Variants in CTNNBL1 observed in about 807,000 individuals in gnomAD.
The protein encoded by CTNNBL1 is beta-catenin-like protein 1.
In CTNNBL1, 31 loss-of-function variants were observed where a neutral mutation model predicts 72.7. That is an observed-to-expected ratio of 0.43 (90% CI 0.32 to 0.58). CTNNBL1 has a LOEUF of 0.58. Ranked by LOEUF, CTNNBL1 falls within the 20% of genes least tolerant of loss-of-function variation. The pLI, the probability that CTNNBL1 is intolerant of heterozygous loss-of-function variation, is 0.08. For synonymous variants in CTNNBL1, 240 were observed against 267.3 expected, an observed-to-expected ratio of 0.90 and a Z score of 1.00; for missense variants, 534 against 725.1, an observed-to-expected ratio of 0.74 and a Z score of 3.03.
At chr20:37,860,424 G>GC in intron 15 of CTNNBL1, 80 bp downstream of exon 15, 1 of 1,146,974 alleles carries the variant, frequency 8.7e-7, no homozygotes, top group Non-Finnish European at 1.3e-6. Flanking sequence ...AGTATCCCTG[G>GC]TATTTGATGT....
At chr20:37,794,716 G>A (rs554827520) in intron 10 of CTNNBL1, among the ~76,000 whole-genome samples, 2 of 151,540 alleles carry the variant, frequency 1.3e-5, no homozygotes, top group African/African-American at 2.4e-5. Context: ...TGGCCAGGGC[G>A]GTCTTGAACT....
At chr20:37,849,472 A>G (rs908408515) in intron 13 of CTNNBL1, among the ~76,000 whole-genome samples, 3 of 152,124 alleles carry the variant, frequency 2.0e-5, no homozygotes, top group South Asian at 2.1e-4. Flanking sequence ...TGCTTTCTCA[A>G]ACCTTCTAGA....
At chr20:37,827,339 G>T (rs984895065) in intron 11 of CTNNBL1, among the ~76,000 whole-genome samples, 2 of 152,128 alleles carry the variant, frequency 1.3e-5, no homozygotes, top group Non-Finnish European at 2.9e-5. Flanking sequence ...TCTAGGAATG[G>T]AATTGCCAGG....
chr20:37,767,890 C>T lies in CTNNBL1; in HGVS notation c.659-63C>T, dbSNP rs531138915. 1.8e-5 allele frequency: 24 copies of T among 1,341,276 alleles called. No homozygotes were observed. In the African/African-American group the frequency reaches 3.0e-4, roughly 17 times the overall value. 83.1% of individuals were successfully genotyped at this position (1,341,276 alleles called of 1,614,324 possible). A position where few individuals can be genotyped will look rare whatever the true frequency, so the allele number is the denominator to read the frequency against. On this transcript the variant is annotated intron_variant, in intron 6 of 15. Transcript: ENST00000361383. ...GGAATAACATGCCTGTCATGGGAAG[C>T]AAGCTTGTTGCAGATGGAAACAAAG...
chr20:37,728,054 G>T (rs150342804), intron 1 of CTNNBL1, among the ~76,000 whole-genome samples: 23 of 152,242 alleles, frequency 1.5e-4, no homozygotes, highest in African/African-American at 5.3e-4. Flanking sequence ...ACTCAATGTT[G>T]CTGGAAAGGC....
Position 37,768,045 on chromosome 20 carries a change from G to A in CTNNBL1, c.750+1G>A. The A allele has an allele frequency of 1.2e-6, 2 of 1,613,678 alleles. No homozygotes were observed. Among genetic ancestry groups the A allele is most frequent in the Non-Finnish European group, 1.7e-6 (2 of 1,179,730 alleles). ...ACAGTGGCTGTTGAAGAGGCTGAAG[G>A]TGAGTTTGGCTGTGGGGAACTGCAG... On this transcript the variant is annotated splice_donor_variant, in intron 7 of 15. Transcript: ENST00000361383. LOFTEE classifies it high-confidence loss of function.
chr20:37,737,604 A>T (rs1282632484), intron 3 of CTNNBL1, 120 bp downstream of exon 3: 2 of 634,700 alleles, frequency 3.2e-6, no homozygotes, highest in East Asian at 5.7e-5. Flanking sequence ...GATGACCCCC[A>T]TGTTTGGGAA....
At chr20:37,721,395 G>A (rs756903815) in intron 1 of CTNNBL1, among the ~76,000 whole-genome samples, 8 of 152,148 alleles carry the variant, frequency 5.3e-5, no homozygotes, top group Non-Finnish European at 1.0e-4. Flanking sequence ...AGATCTTGTT[G>A]ACTTTAAGGT....
chr20:37,721,210 C>T lies in CTNNBL1; in HGVS notation c.31-11669C>T, dbSNP rs6020471. On this transcript the variant is annotated intron_variant, in intron 1 of 15. Transcript: ENST00000361383. ...AAGGCTTCCAGACCCTCTGCTATCC[C>T]GCTCATATATTCCCCTGTTGGTAGT... Among the ~76,000 whole-genome samples the T allele has an allele frequency of 1.7e-3, 263 of 152,290 alleles. 3 individuals are homozygous for T. The highest frequency in any genetic ancestry group is 6.1e-3 in the African/African-American group (252 of 41,552).
At chr20:37,841,049 A>G (rs1366025187) in intron 12 of CTNNBL1, among the ~76,000 whole-genome samples, 1 of 152,270 alleles carries the variant, frequency 6.6e-6, no homozygotes, top group Admixed American at 6.5e-5. Flanking sequence ...AAGAGCTACC[A>G]TTTATTGAGT....
chr20:37,800,732 G>C (rs1568786819), intron 10 of CTNNBL1, among the ~76,000 whole-genome samples: 1 of 152,060 alleles, frequency 6.6e-6, no homozygotes, highest in Non-Finnish European at 1.5e-5. Flanking sequence ...TTTACTCCTG[G>C]AATCACTTCT....
At chr20:37,779,142 A>C (rs1310815965) in intron 9 of CTNNBL1, 45 bp from the exon 10 acceptor site, 4 of 1,601,112 alleles carry the variant, frequency 2.5e-6, no homozygotes, top group Non-Finnish European at 3.4e-6. Context: ...TCATGAAAAG[A>C]CATTCTCTTA....
intron 3 of CTNNBL1, chr20:37,744,610 A>T (rs1359084948): frequency 6.6e-6 from 1 of 152,182 alleles, no homozygotes; most frequent in Non-Finnish European, 1.5e-5. Flanking sequence ...CACTGTGTTG[A>T]GAAGGATTCT....
chr20:37,851,104 C>T (rs2072392930), intron 13 of CTNNBL1, among the ~76,000 whole-genome samples: 1 of 152,190 alleles, frequency 6.6e-6, no homozygotes, highest in Non-Finnish European at 1.5e-5. Flanking sequence ...ACACACAACC[C>T]TGCGGAAATG....
chr20:37,802,768 T>A (rs1020234757), intron 10 of CTNNBL1, 99 bp from the exon 11 acceptor site: 5 of 909,688 alleles, frequency 5.5e-6, no homozygotes, highest in African/African-American at 5.0e-5. Context: ...ATATTTCCAT[T>A]TAGATGTATA....
At chr20:37,717,701 CA>C (rs1344709917) in intron 1 of CTNNBL1, among the ~76,000 whole-genome samples, 1 of 151,620 alleles carries the variant, frequency 6.6e-6, no homozygotes, top group Admixed American at 6.6e-5. Context: ...GGAAGGTCAG[CA>C]GATAAACAAG....
chr20:37,853,940 CTG>C (rs2122845535), intron 13 of CTNNBL1, among the ~76,000 whole-genome samples: 1 of 152,376 alleles, frequency 6.6e-6, no homozygotes, highest in Admixed American at 6.5e-5. Flanking sequence ...ACTTCTAAAA[CTG>C]TCAGGGCAGA....
At chr20:37,860,937 T>G (rs1208007395) in intron 15 of CTNNBL1, among the ~76,000 whole-genome samples, 1 of 152,206 alleles carries the variant, frequency 6.6e-6, no homozygotes, top group Non-Finnish European at 1.5e-5. Flanking sequence ...GGTGTGTATC[T>G]ATAGGGAAAA....
At chr20:37,742,122 C>G (rs2073221823) in intron 3 of CTNNBL1, among the ~76,000 whole-genome samples, 2 of 152,102 alleles carry the variant, frequency 1.3e-5, no homozygotes, top group South Asian at 4.1e-4. Context: ...TCAACAAATT[C>G]TTATATGAGA....
Sources: allele counts gnomAD v4.1 joint callset (sites outside exome capture counted in the v4.1 genomes callset), GRCh38; gene constraint gnomAD v4.1.1; transcripts MANE v1.5; gene names NCBI Gene and HGNC (gene_info 2026-07-23, HGNC 2026-07-21).